The following JAK2 variants were observed in gnomAD, a reference collection of about 807,000 sequenced individuals.
The protein encoded by JAK2 is Janus kinase 2, also known as tyrosine-protein kinase JAK2.
A neutral mutation model predicts 139.3 loss-of-function variants in JAK2; 86 were observed. The ratio of observed to expected loss-of-function variants is 0.62; its 90% CI spans 0.52 to 0.74. The LOEUF is 0.74. Ranked by LOEUF, JAK2 falls within the 30% of genes least tolerant of loss-of-function variation. The pLI is 0.00. For missense variants in JAK2, 1,421 were observed against 1,360.3 expected (o/e 1.04, Z -0.70); for synonymous variants, 490 against 437.7 (o/e 1.12, Z -1.49).
chr9:5,111,646 C>T (rs1256007318), intron 22 of JAK2: 6 of 389,442 alleles, frequency 1.5e-5, no homozygotes, highest in South Asian at 3.9e-5. Flanking sequence ...GCTCATGCCC[C>T]TCGTCCCTCC....
At chr9:5,048,214 T>C (rs745547580) in intron 5 of JAK2, among the ~76,000 whole-genome samples, 17 of 152,078 alleles carry the variant, frequency 1.1e-4, no homozygotes, top group Non-Finnish European at 2.2e-4. Context: ...TGATCTCGGC[T>C]CACTGCAACC....
chr9:5,074,604 A>G (rs1257914445), intron 14 of JAK2, among the ~76,000 whole-genome samples: 1 of 152,238 alleles, frequency 6.6e-6, no homozygotes, highest in Admixed American at 6.5e-5. Flanking sequence ...TGCTCCATCA[A>G]TGAGCCATTC....
chr9:5,048,254 G>A (rs1817166617), intron 5 of JAK2, among the ~76,000 whole-genome samples: 1 of 151,872 alleles, frequency 6.6e-6, no homozygotes, highest in African/African-American at 2.4e-5. Flanking sequence ...TGATTCTCCT[G>A]ACTCAGCCTC....
rs1056036845 is a variant in JAK2, at chr9:5,050,890, T to C, written c.614+59T>C. ...GTGAGTAGAGATTTTATATAATTCGTATATATTTTCTGTGTTTACCCATGC... is the reference window on the plus strand; with the variant it reads ...GTGAGTAGAGATTTTATATAATTCGCATATATTTTCTGTGTTTACCCATGC... On this transcript the variant is annotated intron_variant, in intron 6 of 24. Coordinates refer to ENST00000381652, the MANE Select transcript of JAK2 (RefSeq NM_004972.4). The C allele has an allele frequency of 4.9e-6, 7 of 1,433,362 alleles. No homozygotes were observed. In the African/African-American group the frequency reaches 7.1e-5, roughly 15 times the overall value. The allele number at this position is 1,433,362 out of a possible 1,614,324, so 88.8% of individuals were successfully genotyped here. A position where few individuals can be genotyped will look rare whatever the true frequency, so the allele number is the denominator to read the frequency against.
intron 2 of JAK2, among the ~76,000 whole-genome samples, chr9:4,991,964 A>G (rs76785180): frequency 2.8e-3 from 419 of 152,262 alleles, no homozygotes; most frequent in African/African-American, 9.7e-3. Flanking sequence ...TGTAACAGAA[A>G]CTACCCAAAA....
In JAK2 at chr9:5,041,411, C is replaced by G. The variant is rs1055614494; in HGVS notation, c.351-2992C>G. On this transcript the variant is annotated intron_variant, in intron 4 of 24. Coordinates refer to ENST00000381652, the MANE Select transcript of JAK2 (RefSeq NM_004972.4). ...GAGCCACTGCAACAACCTGGAGGTG[C>G]TGGGCCACATGTTCATGTACTTCCT... 7 of 630,246 alleles carry G rather than the reference C, an allele frequency of 1.1e-5. No individual in the cohort carries two copies. In the Admixed American group the frequency reaches 1.1e-4, roughly 10 times the overall value. 39.0% of individuals were successfully genotyped at this position (630,246 alleles called of 1,614,324 possible).
intron 19 of JAK2, chr9:5,085,315 T>C: frequency 2.6e-6 from 2 of 756,890 alleles, no homozygotes; most frequent in Non-Finnish European, 4.9e-6. Context: ...GTCGAATACA[T>C]CATCTATTAG....
intron 5 of JAK2, among the ~76,000 whole-genome samples, chr9:5,046,199 G>T (rs915994552): frequency 1.3e-5 from 2 of 152,020 alleles, no homozygotes; most frequent in Admixed American, 6.5e-5. Context: ...TTGCTTGTTG[G>T]CTATTTGTTT....
intron 3 of JAK2, among the ~76,000 whole-genome samples, chr9:5,022,605 A>G (rs1363054557): frequency 6.6e-6 from 1 of 152,214 alleles, no homozygotes; most frequent in South Asian, 2.1e-4. Flanking sequence ...TGGCTGACAA[A>G]CCATCATTTT....
intron 22 of JAK2, among the ~76,000 whole-genome samples, chr9:5,093,261 C>T (rs754524263): frequency 6.6e-6 from 1 of 152,130 alleles, no homozygotes; most frequent in South Asian, 2.1e-4. Flanking sequence ...AAAAGGAACT[C>T]GGCAAATCTT....
rs535832423 is a variant in JAK2 at position 5,016,562 on chromosome 9, C to T, written c.-25-5401C>T. ...AAAATTTAAAAATGTAAGTAAACCTCTAATTGAAGTGTAACACACAAACAG... is the reference window on the plus strand; with the variant it reads ...AAAATTTAAAAATGTAAGTAAACCTTTAATTGAAGTGTAACACACAAACAG... On this transcript the variant is annotated intron_variant, in intron 2 of 24. Transcript: ENST00000381652. Among the ~76,000 whole-genome samples, 3 of 152,306 alleles carry T rather than the reference C, an allele frequency of 2.0e-5. No individual in the cohort carries two copies. The South Asian group carries it at 6.2e-4, about 32-fold the overall frequency.
At chr9:5,100,258 G>T (rs1240767941) in intron 22 of JAK2, 2 of 152,072 alleles carry the variant, frequency 1.3e-5, no homozygotes, top group African/African-American at 4.8e-5. Context: ...ACACATGCTT[G>T]CCATATAGTC....
chr9:5,103,703 T>C (rs1032586026), intron 22 of JAK2, among the ~76,000 whole-genome samples: 2 of 151,786 alleles, frequency 1.3e-5, no homozygotes, highest in Admixed American at 6.6e-5. Flanking sequence ...AGAACAGATA[T>C]CACAACAAAC....
At chr9:5,025,899 T>C (rs1031535404) in intron 3 of JAK2, among the ~76,000 whole-genome samples, 2 of 152,232 alleles carry the variant, frequency 1.3e-5, no homozygotes, top group Admixed American at 1.3e-4. Context: ...TTCACAAAAA[T>C]TGTCCATCTG....
intron 22 of JAK2, chr9:5,110,773 G>A (rs962757655): frequency 7.7e-6 from 3 of 391,594 alleles, no homozygotes; most frequent in South Asian, 2.0e-5. Context: ...CCATGCAGGA[G>A]TGGTAAGGGC....
chr9:5,077,505 A>G lies in JAK2; in HGVS notation c.1917A>G (p.Lys639=). 3 of 1,437,602 alleles carry G rather than the reference A, an allele frequency of 2.1e-6. No homozygotes were observed. Among genetic ancestry groups the G allele is most frequent in the Non-Finnish European group, 2.8e-6 (3 of 1,074,918 alleles). 89.1% of individuals were successfully genotyped at this position (1,437,602 alleles called of 1,614,324 possible). Residue 639 remains lysine (K), a synonymous_variant, in exon 15 of 25, where the codon AAA becomes AAG. Transcript: ENST00000381652. The stretch of plus-strand genomic sequence containing the variant: ...TTGGATCACTAGATACATATCTGAA[A>G]AAGAATAAAAATTGTATAAATATAT... ...VKFGSLDTYL[K]KNKNCINILW...
At chr9:4,995,539 C>G (rs1322996698) in intron 2 of JAK2, among the ~76,000 whole-genome samples, 1 of 152,164 alleles carries the variant, frequency 6.6e-6, no homozygotes, top group African/African-American at 2.4e-5. Flanking sequence ...CTGTGAAATG[C>G]TGGTGTTTTA....
rs1170473485 is a variant in JAK2 at position 5,054,979 on chromosome 9, C to A, written c.936+95C>A. ...TAATCATTTGCAACATGGTATTGCA[C>A]TTCTCCCATTTGATAGAAGTGGAAG... On this transcript the variant is annotated intron_variant, in intron 7 of 24. Transcript: ENST00000381652. This position sits in a 1 kb window ranked among gnomAD's most constrained non-coding sequence, Gnocchi z 4.9. 8.1e-6 allele frequency: 7 copies of A among 866,736 alleles called. No homozygotes were observed. Among genetic ancestry groups the A allele is most frequent in the African/African-American group, 1.7e-5 (1 of 58,724 alleles). The allele number at this position is 866,736 out of a possible 1,614,324, so 53.7% of individuals were successfully genotyped here.
rs561969190 is a variant in JAK2, at chr9:5,092,093, A to ATAAAG, written c.3059+1186_3059+1190dup. Reference sequence around the variant, plus strand: ...TTGTCCTATTACAGCACCTAAGGTTATAAAGTAAGCACAAGTAAATACATA... The same window carrying ATAAAG: ...TTGTCCTATTACAGCACCTAAGGTTATAAAGTAAAGTAAGCACAAGTAAATACATA... On this transcript the variant is annotated intron_variant, in intron 22 of 24. Coordinates refer to ENST00000381652, the MANE Select transcript of JAK2 (RefSeq NM_004972.4). Among the ~76,000 whole-genome samples the ATAAAG allele has an allele frequency of 4.6e-5, 7 of 152,292 alleles. 1 individual carries two copies. In the East Asian group the frequency reaches 1.2e-3, roughly 25 times the overall value.
Sources: gnomAD v4.1 joint callset for allele counts (sites outside exome capture counted in the v4.1 genomes callset) on GRCh38, gnomAD v4.1.1 for gene constraint, Gnocchi (gnomAD v3.1) non-coding constraint, MANE v1.5 for transcripts, NCBI Gene and HGNC (gene_info 2026-07-23, HGNC 2026-07-21) for gene names.